PPFIA1: variants seen among roughly 807,000 people sequenced by gnomAD.
PPFIA1 encodes liprin-alpha-1.
PPFIA1 carries 25 observed loss-of-function variants against 149.9 expected under a neutral mutation model. That is an observed-to-expected ratio of 0.17 (90% CI 0.12 to 0.23). PPFIA1 has a LOEUF of 0.23. Ranked by LOEUF, PPFIA1 falls within the 10% of genes least tolerant of loss-of-function variation. PPFIA1 has a pLI of 1.00. For synonymous variants in PPFIA1, 549 were observed against 552.8 expected (o/e 0.99, Z 0.10); for missense variants, 1,362 against 1,506.5 (o/e 0.90, Z 1.59).
At chr11:70,288,646 T>C (rs1041391785) in intron 2 of PPFIA1, among the ~76,000 whole-genome samples, 1 of 152,116 alleles carries the variant, frequency 6.6e-6, no homozygotes. Flanking sequence ...TGAAGAAGAG[T>C]GTTCTCCTTT....
In PPFIA1 at chr11:70,330,159, A is replaced by T. The variant is rs2054566371; in HGVS notation, c.931-14A>T. On this transcript the variant is annotated splice_polypyrimidine_tract_variant and intron_variant, in intron 7 of 27. Coordinates refer to ENST00000253925, the MANE Select transcript of PPFIA1 (RefSeq NM_003626.5). ...TTACCTACTTTTTTGTCCCCTCTGA[A>T]ATACCTAATTTAGGCCATGGCCCAA... 4.4e-6 allele frequency: 7 copies of T among 1,573,786 alleles called. No individual in the cohort carries two copies. Among genetic ancestry groups the T allele is most frequent in the Non-Finnish European group, 6.0e-6 (7 of 1,162,520 alleles).
intron 16 of PPFIA1, among the ~76,000 whole-genome samples, chr11:70,348,940 G>A (rs1213076576): frequency 1.3e-5 from 2 of 152,028 alleles, no homozygotes; most frequent in African/African-American, 2.4e-5. Flanking sequence ...TACACCATTT[G>A]TTTGTGTGAC....
At chr11:70,380,735 C>CAAA (rs113647001) in intron 26 of PPFIA1, among the ~76,000 whole-genome samples, 1 of 104,172 alleles carries the variant, frequency 9.6e-6, no homozygotes, top group Non-Finnish European at 2.2e-5. Context: ...AACTCTGTCT[C>CAAA]AAAAAAAAAA....
At chr11:70,276,753 T>C (rs1391274246) in intron 2 of PPFIA1, among the ~76,000 whole-genome samples, 1 of 152,062 alleles carries the variant, frequency 6.6e-6, no homozygotes, top group African/African-American at 2.4e-5. Flanking sequence ...AAAGCATTTT[T>C]CCCCGCTAGA....
intron 24 of PPFIA1, 25 bp from the exon 25 acceptor site, chr11:70,376,507 A>G: frequency 6.3e-7 from 1 of 1,598,462 alleles, no homozygotes; most frequent in Non-Finnish European, 8.6e-7. Context: ...TGAAAGTTTT[A>G]TTTGTTTTTC....
intron 2 of PPFIA1, among the ~76,000 whole-genome samples, chr11:70,298,607 T>C (rs2052256926): frequency 6.6e-6 from 1 of 152,208 alleles, no homozygotes; most frequent in South Asian, 2.1e-4. Context: ...TCCCAGAACC[T>C]GTTCATTAAA....
chr11:70,301,924 C>T (rs2052510152), intron 2 of PPFIA1, among the ~76,000 whole-genome samples: 1 of 152,242 alleles, frequency 6.6e-6, no homozygotes, highest in Non-Finnish European at 1.5e-5. Context: ...CAGTTAATTC[C>T]ATATGCAGTG....
intron 26 of PPFIA1, chr11:70,380,954 C>T (rs2057690210): frequency 6.6e-6 from 1 of 151,912 alleles, no homozygotes; most frequent in Admixed American, 6.6e-5. Flanking sequence ...GGTGTGGTCC[C>T]ATGCCTTGCT....
At chr11:70,377,694 T>G (rs566221947) in intron 25 of PPFIA1, among the ~76,000 whole-genome samples, 6 of 152,312 alleles carry the variant, frequency 3.9e-5, no homozygotes, top group African/African-American at 1.2e-4. Context: ...AAAAATAAAC[T>G]ATTTTTAAGA....
intron 15 of PPFIA1, among the ~76,000 whole-genome samples, chr11:70,346,952 G>A (rs1565427448): frequency 6.6e-6 from 1 of 152,176 alleles, no homozygotes; most frequent in African/African-American, 2.4e-5. Context: ...GGAGAGAGGA[G>A]CGTTAATCTT....
chr11:70,296,599 G>A (rs2052043409), intron 2 of PPFIA1, among the ~76,000 whole-genome samples: 1 of 151,762 alleles, frequency 6.6e-6, no homozygotes, highest in Admixed American at 6.6e-5. Flanking sequence ...GGAGAATCAG[G>A]CAGGGAGGTT....
At chr11:70,375,324 G>A (rs997494945) in intron 24 of PPFIA1, 2 of 355,050 alleles carry the variant, frequency 5.6e-6, no homozygotes, top group African/African-American at 4.4e-5. Flanking sequence ...TCCAGCCCAT[G>A]TGCCTGATCA....
At chr11:70,376,846 C>T (rs964939915) in intron 25 of PPFIA1, among the ~76,000 whole-genome samples, 5 of 152,044 alleles carry the variant, frequency 3.3e-5, no homozygotes, top group Non-Finnish European at 7.4e-5. Context: ...CTGAGGCGGG[C>T]GGATCACCAG....
intron 2 of PPFIA1, among the ~76,000 whole-genome samples, chr11:70,307,687 A>G (rs776727107): frequency 3.3e-5 from 5 of 152,192 alleles, no homozygotes; most frequent in Non-Finnish European, 7.4e-5. Flanking sequence ...TTGGGAAGCC[A>G]TGGCAGGAGG....
intron 2 of PPFIA1, among the ~76,000 whole-genome samples, chr11:70,294,546 CT>C (rs11415921): frequency 1.8e-4 from 26 of 144,022 alleles, no homozygotes; most frequent in East Asian, 8.1e-4. Context: ...AATTTTCTTT[CT>C]TTTTTTTTTT....
intron 2 of PPFIA1, among the ~76,000 whole-genome samples, chr11:70,300,675 A>G (rs1281050868): frequency 6.6e-6 from 1 of 152,014 alleles, no homozygotes; most frequent in Non-Finnish European, 1.5e-5. Flanking sequence ...CTGGGACTAC[A>G]GGCGCCCGCC....
At chr11:70,284,103 G>A (rs775630430) in intron 2 of PPFIA1, 13 of 470,516 alleles carry the variant, frequency 2.8e-5, no homozygotes, top group South Asian at 2.0e-4. Flanking sequence ...TGCAAACAAG[G>A]TACTTGCTAA....
intron 7 of PPFIA1, 57 bp downstream of exon 7, chr11:70,326,875 A>C: frequency 1.4e-6 from 2 of 1,433,574 alleles, no homozygotes; most frequent in Non-Finnish European, 1.9e-6. Flanking sequence ...GGGACGTTTT[A>C]GTTAAATGAT....
intron 16 of PPFIA1, 79 bp from the exon 17 acceptor site, chr11:70,354,222 G>T: frequency 7.0e-7 from 1 of 1,420,732 alleles, no homozygotes; most frequent in Non-Finnish European, 9.6e-7. Context: ...GATTTTCAAA[G>T]AAGTTTATGG....
Sources: allele counts gnomAD v4.1 joint callset (sites outside exome capture counted in the v4.1 genomes callset), GRCh38; gene constraint gnomAD v4.1.1; transcripts MANE v1.5; gene names NCBI Gene and HGNC (gene_info 2026-07-23, HGNC 2026-07-21).